The following MCF2L2 variants were observed in gnomAD, a reference collection of about 807,000 sequenced individuals.
The protein encoded by MCF2L2 is MCF.2 cell line derived transforming sequence-like 2.
Under a neutral mutation model 150.2 loss-of-function variants are expected in MCF2L2, and 102 were observed. That is an observed-to-expected ratio of 0.68 (90% CI 0.58 to 0.80). MCF2L2 has a LOEUF of 0.80. Ranked by LOEUF, MCF2L2 falls within the 30% of genes least tolerant of loss-of-function variation. The pLI is 0.00. For synonymous variants in MCF2L2, 465 were observed against 491.3 expected (o/e 0.95, Z 0.71); for missense variants, 1,256 against 1,372.8 (o/e 0.91, Z 1.34).
At chr3:183,256,977 T>G (rs1576974632) in intron 15 of MCF2L2, among the ~76,000 whole-genome samples, 1 of 152,180 alleles carries the variant, frequency 6.6e-6, no homozygotes, top group East Asian at 1.9e-4. Context: ...AGATCAGTAT[T>G]TTTAAAAACT....
intron 3 of MCF2L2, among the ~76,000 whole-genome samples, chr3:183,356,927 C>T (rs1296457382): frequency 6.6e-6 from 1 of 152,080 alleles, no homozygotes; most frequent in African/African-American, 2.4e-5. Flanking sequence ...GAAAAGGGAG[C>T]AATGGGAGAA....
intron 17 of MCF2L2, 142 bp from the exon 18 acceptor site, chr3:183,228,508 T>G: frequency 1.9e-6 from 1 of 528,040 alleles, no homozygotes; most frequent in Non-Finnish European, 3.4e-6. Flanking sequence ...TTCTACACAT[T>G]GATTCAGAAA....
chr3:183,314,133 A>C (rs1287311405), intron 7 of MCF2L2, among the ~76,000 whole-genome samples: 1 of 152,188 alleles, frequency 6.6e-6, no homozygotes, highest in Non-Finnish European at 1.5e-5. Context: ...AATCACAGAG[A>C]AAATAAGGTT....
chr3:183,192,723 T>C, intron 27 of MCF2L2: 1 of 355,154 alleles, frequency 2.8e-6, no homozygotes. Flanking sequence ...TGACTAAGAG[T>C]AACTAAAACC....
chr3:183,347,123 CT>C (rs1267206096), intron 3 of MCF2L2, among the ~76,000 whole-genome samples: 3 of 152,114 alleles, frequency 2.0e-5, no homozygotes, highest in Admixed American at 2.0e-4. Flanking sequence ...CAAAACAAAG[CT>C]GAAGGCATCA....
At chr3:183,249,414 C>T (rs1005856012) in intron 15 of MCF2L2, among the ~76,000 whole-genome samples, 10 of 152,224 alleles carry the variant, frequency 6.6e-5, no homozygotes, top group Non-Finnish European at 1.3e-4. Context: ...CGAAACTGTC[C>T]CTGTCCCTGT....
At chr3:183,336,126 C>T (rs552316720) in intron 5 of MCF2L2, among the ~76,000 whole-genome samples, 12 of 152,052 alleles carry the variant, frequency 7.9e-5, no homozygotes, top group South Asian at 6.2e-4. Flanking sequence ...TTTATTATAG[C>T]GGCACGAACA....
chr3:183,234,780 C>T (rs1304475530), intron 15 of MCF2L2, among the ~76,000 whole-genome samples: 1 of 117,874 alleles, frequency 8.5e-6, no homozygotes, highest in Non-Finnish European at 1.7e-5. Context: ...ATGTGCCATG[C>T]TGGTGCGCTG....
chr3:183,301,560 C>T (rs921115538), intron 10 of MCF2L2, among the ~76,000 whole-genome samples: 2 of 152,016 alleles, frequency 1.3e-5, no homozygotes, highest in East Asian at 1.9e-4. Flanking sequence ...TTTGGGAGGC[C>T]GAGGCAGGCG....
intron 8 of MCF2L2, 82 bp downstream of exon 8, chr3:183,311,566 T>A: frequency 6.6e-7 from 1 of 1,512,960 alleles, no homozygotes; most frequent in African/African-American, 1.4e-5. Context: ...TATTGGCTGT[T>A]CCAATCTGTT....
At chr3:183,334,394 C>T (rs1408892512) in intron 5 of MCF2L2, among the ~76,000 whole-genome samples, 1 of 152,038 alleles carries the variant, frequency 6.6e-6, no homozygotes, top group Non-Finnish European at 1.5e-5. Context: ...AACACTTTGA[C>T]TAGGGGATCA....
intron 15 of MCF2L2, chr3:183,271,013 C>T (rs1726726260): frequency 7.5e-7 from 1 of 1,335,626 alleles, no homozygotes. Flanking sequence ...TTCGTCTATA[C>T]CCTAAGTAAA....
At chr3:183,195,913 T>C (rs1038538364) in intron 25 of MCF2L2, among the ~76,000 whole-genome samples, 4 of 152,228 alleles carry the variant, frequency 2.6e-5, no homozygotes, top group Admixed American at 1.3e-4. Flanking sequence ...GACTGCCACA[T>C]GTTGCCCAGT....
intron 25 of MCF2L2, among the ~76,000 whole-genome samples, chr3:183,199,047 T>C (rs1722167994): frequency 6.6e-6 from 1 of 152,222 alleles, no homozygotes; most frequent in African/African-American, 2.4e-5. Flanking sequence ...GGCAGTTACC[T>C]ACAGTTTAAA....
chr3:183,325,809 T>C (rs1730000852), intron 5 of MCF2L2, among the ~76,000 whole-genome samples: 1 of 152,176 alleles, frequency 6.6e-6, no homozygotes, highest in Non-Finnish European at 1.5e-5. Flanking sequence ...TCTTAAGCTT[T>C]AGATGACGAA....
At chr3:183,319,980 A>C (rs977293264) in intron 6 of MCF2L2, among the ~76,000 whole-genome samples, 2 of 152,208 alleles carry the variant, frequency 1.3e-5, no homozygotes, top group African/African-American at 4.8e-5. Context: ...TTAAGCTTTG[A>C]AGCCAGGCAT....
chr3:183,402,022 G>A (rs964742096), intron 1 of MCF2L2, among the ~76,000 whole-genome samples: 1 of 152,250 alleles, frequency 6.6e-6, no homozygotes, highest in African/African-American at 2.4e-5. Flanking sequence ...CAAAGCAGTT[G>A]TACTAGAAAG....
chr3:183,229,483 C>T (rs1255123558), intron 17 of MCF2L2, among the ~76,000 whole-genome samples, 183 bp downstream of exon 17: 1 of 152,186 alleles, frequency 6.6e-6, no homozygotes, highest in Non-Finnish European at 1.5e-5. Flanking sequence ...CCCTTTCTCT[C>T]CAGGGATCCT....
intron 21 of MCF2L2, among the ~76,000 whole-genome samples, chr3:183,219,495 C>A (rs1248197902): frequency 6.6e-6 from 1 of 151,988 alleles, no homozygotes; most frequent in Non-Finnish European, 1.5e-5. Context: ...CCTGTAATCC[C>A]AGCTACTTGG....
Sources: allele counts gnomAD v4.1 joint callset (sites outside exome capture counted in the v4.1 genomes callset), GRCh38; gene constraint gnomAD v4.1.1; transcripts MANE v1.5; gene names NCBI Gene and HGNC (gene_info 2026-07-23, HGNC 2026-07-21).